Variants in RGL3 observed in about 807,000 individuals in gnomAD.
RGL3 encodes the protein ral guanine nucleotide dissociation stimulator like 3.
A neutral mutation model predicts 90.6 loss-of-function variants in RGL3; 85 were observed. The ratio of observed to expected loss-of-function variants is 0.94; its 90% CI spans 0.79 to 1.12. The LOEUF (loss-of-function observed/expected upper bound fraction) is 1.12, where lower values mean the gene tolerates loss of function less well. Among genes scored for constraint, RGL3 ranks in the 50% most tolerant of loss-of-function variants. The pLI is 0.00. For synonymous variants in RGL3, 408 were observed against 385.5 expected, an observed-to-expected ratio of 1.06 and a Z score of -0.68; for missense variants, 1,034 against 939.2, an observed-to-expected ratio of 1.10 and a Z score of -1.32.
At position 11,401,995 on chromosome 19, in the gene RGL3, G is replaced by C; in HGVS notation, c.1484+16C>G. On this transcript the variant is annotated intron_variant, in intron 13 of 18. Transcript: ENST00000380456. ...CTCAGCTGGGGTGGGGCTGGGACAG[G>C]CTACAGGGTGGTCACCTCTGCTCCT... 1 of 1,529,392 alleles carries C rather than the reference G, an allele frequency of 6.5e-7. No homozygotes were observed. Among genetic ancestry groups the C allele is most frequent in the Non-Finnish European group, 8.8e-7 (1 of 1,140,938 alleles). 94.7% of individuals were successfully genotyped at this position (1,529,392 alleles called of 1,614,324 possible).
chr19:11,403,386 C>T (rs1420505643), intron 9 of RGL3, among the ~76,000 whole-genome samples: 1 of 148,454 alleles, frequency 6.7e-6, no homozygotes, highest in African/African-American at 2.4e-5. Context: ...CGCCTGTAAT[C>T]CCAGCACTTT....
chr19:11,415,116 C>G (rs991706286), intron 5 of RGL3, among the ~76,000 whole-genome samples: 12 of 149,108 alleles, frequency 8.0e-5, no homozygotes, highest in Non-Finnish European at 1.5e-4. Context: ...GGTAACAGTG[C>G]GAGACTCTGT....
rs1968753090 is a variant in RGL3, at chr19:11,405,311, G to A, written c.1100+12C>T. The stretch of plus-strand genomic sequence containing the variant: ...TGGGATGGGCTGGGGAACAGGTCCC[G>A]CCCCAGCTCACCGGCTCACTGCCCC... On this transcript the variant is annotated intron_variant, in intron 8 of 18. Coordinates refer to ENST00000380456, the MANE Select transcript of RGL3 (RefSeq NM_001035223.4). The A allele has an allele frequency of 1.2e-6, 2 of 1,612,074 alleles. No individual in the cohort carries two copies. The highest frequency in any genetic ancestry group is 1.1e-5 in the South Asian group (1 of 91,006).
chr19:11,416,510 C>T (rs1347855424), intron 4 of RGL3, 104 bp downstream of exon 4: 1 of 1,145,822 alleles, frequency 8.7e-7, no homozygotes. Context: ...GACTCCCAGT[C>T]TCTTATTACC....
At chr19:11,410,896 C>G (rs1025282123) in intron 5 of RGL3, among the ~76,000 whole-genome samples, 8 of 151,780 alleles carry the variant, frequency 5.3e-5, no homozygotes, top group African/African-American at 1.9e-4. Context: ...GGATCTGTTA[C>G]AGAATAAAAG....
At chr19:11,411,390 G>T (rs1486003643) in intron 5 of RGL3, 1 of 152,066 alleles carries the variant, frequency 6.6e-6, no homozygotes, top group African/African-American at 2.4e-5. Flanking sequence ...TCCCATCTCA[G>T]CATCCTAAGT....
Position 11,400,205 on chromosome 19 carries a change from C to T in RGL3, c.1577G>A (p.Ser526Asn). 1 of 1,585,000 alleles carries T rather than the reference C, an allele frequency of 6.3e-7. No homozygotes were observed. The highest frequency in any genetic ancestry group is 8.6e-7 in the Non-Finnish European group (1 of 1,164,542). ...CTACACACACCCCGAGACTCACGCACTGAGACGCTTGGTGAGGCTGATCCG... is the reference window on the plus strand; with the variant it reads ...CTACACACACCCCGAGACTCACGCATTGAGACGCTTGGTGAGGCTGATCCG... ...RRRISLTKRL[S>N]AKLAREKSSS... is the part of the protein sequence containing the mutation. Residue 526 changes from serine (S) to asparagine (N), a missense_variant, in exon 14 of 19, where the codon AGT (serine) becomes AAT (asparagine). Ser to Asn is a conservative substitution (Grantham distance 46). Coordinates refer to ENST00000380456, the MANE Select transcript of RGL3 (RefSeq NM_001035223.4).
At chr19:11,400,348 T>C (rs1445040675) in intron 13 of RGL3, 51 bp from the exon 14 acceptor site, 3 of 1,466,754 alleles carry the variant, frequency 2.0e-6, no homozygotes, top group Non-Finnish European at 2.8e-6. Context: ...ATACAGGGGA[T>C]GGAGAGATAA....
At chr19:11,400,332 C>A in intron 13 of RGL3, 35 bp from the exon 14 acceptor site, 1 of 1,500,224 alleles carries the variant, frequency 6.7e-7, no homozygotes. Flanking sequence ...GTGGTGGGGG[C>A]AGGAAATACA....
At position 11,416,159 on chromosome 19, in the gene RGL3, A is replaced by C; in HGVS notation, c.426-11T>G. 1 of 1,519,878 alleles carries C rather than the reference A, an allele frequency of 6.6e-7. No individual in the cohort carries two copies. Among genetic ancestry groups the C allele is most frequent in the Non-Finnish European group, 8.8e-7 (1 of 1,136,946 alleles). The allele number at this position is 1,519,878 out of a possible 1,614,324, so 94.1% of individuals were successfully genotyped here. ...ACTGACACCACAGCCCTGGCCAGAG[A>C]GGCAGGGTCTCAGAGCTGGGTCCAG... On this transcript the variant is annotated splice_polypyrimidine_tract_variant and intron_variant, in intron 4 of 18. Coordinates refer to ENST00000380456, the MANE Select transcript of RGL3 (RefSeq NM_001035223.4).
chr19:11,414,414 T>C (rs1160511898), intron 5 of RGL3, among the ~76,000 whole-genome samples: 2 of 113,610 alleles, frequency 1.8e-5, no homozygotes, highest in East Asian at 2.4e-4. Context: ...TATATATATA[T>C]ACCTTTATAT....
intron 5 of RGL3, among the ~76,000 whole-genome samples, chr19:11,415,235 A>G (rs1858390340): frequency 6.6e-6 from 1 of 151,726 alleles, no homozygotes; most frequent in African/African-American, 2.4e-5. Flanking sequence ...CGCGCCTGTA[A>G]TGCCAGCAGT....
intron 10 of RGL3, 31 bp from the exon 11 acceptor site, chr19:11,402,572 GCCATTACTGACC>G: frequency 6.2e-7 from 1 of 1,609,570 alleles, no homozygotes; most frequent in South Asian, 1.1e-5. Flanking sequence ...GTCACTTGGG[GCCATTACTGACC>G]CCATCACCAT....
chr19:11,407,688 CTT>C (rs773809188), intron 5 of RGL3, among the ~76,000 whole-genome samples: 34 of 137,800 alleles, frequency 2.5e-4, no homozygotes, highest in African/African-American at 2.4e-4. Flanking sequence ...CTCTCTGTGC[CTT>C]TTTTTTTTTT....
intron 5 of RGL3, among the ~76,000 whole-genome samples, chr19:11,413,105 T>G (rs796866032): frequency 6.6e-4 from 101 of 152,112 alleles, no homozygotes; most frequent in African/African-American, 2.3e-3. Context: ...ACTTTCCATA[T>G]AATTCTCTGC....
At chr19:11,416,216 C>A in intron 4 of RGL3, 68 bp from the exon 5 acceptor site, 1 of 628,366 alleles carries the variant, frequency 1.6e-6, no homozygotes, top group Non-Finnish European at 2.4e-6. Context: ...CTCCTGGTAC[C>A]TTTTTTTTTT....
intron 18 of RGL3, among the ~76,000 whole-genome samples, chr19:11,395,425 G>A (rs1156950890): frequency 3.3e-5 from 5 of 152,046 alleles, no homozygotes; most frequent in Admixed American, 6.6e-5. Context: ...ATGCTTCCGC[G>A]GCTATCCATT....
Position 11,402,146 on chromosome 19 carries a change from C to A in RGL3, c.1363-14G>T. 6.2e-7 allele frequency: 1 copy of A among 1,611,768 alleles called. No homozygotes were observed. The highest frequency in any genetic ancestry group is 2.2e-5 in the East Asian group (1 of 44,866). ...GATCTCCCACTCCTGGAGGACGAGC[C>A]TCTAAGACCCTACCCCTGCCCCACC... On this transcript the variant is annotated splice_polypyrimidine_tract_variant and intron_variant, in intron 12 of 18. Coordinates refer to ENST00000380456, the MANE Select transcript of RGL3 (RefSeq NM_001035223.4).
chr19:11,407,659 G>A (rs973164195), intron 5 of RGL3, among the ~76,000 whole-genome samples: 3 of 150,706 alleles, frequency 2.0e-5, no homozygotes, highest in Non-Finnish European at 4.4e-5. Context: ...AGCTTGCTGT[G>A]TAGAGCATGT....
Sources: allele counts gnomAD v4.1 joint callset (sites outside exome capture counted in the v4.1 genomes callset), GRCh38; gene constraint gnomAD v4.1.1; transcripts MANE v1.5; gene names NCBI Gene and HGNC (gene_info 2026-07-23, HGNC 2026-07-21).